SRBD1: variants seen among roughly 807,000 people sequenced by gnomAD.
The protein encoded by SRBD1 is S1 RNA-binding domain-containing protein 1.
A neutral mutation model predicts 115.3 loss-of-function variants in SRBD1; 88 were observed. That is an observed-to-expected ratio of 0.76 (90% CI 0.64 to 0.91). SRBD1 has a LOEUF of 0.91. Ranked by LOEUF, SRBD1 falls within the 40% of genes least tolerant of loss-of-function variation. The pLI is 0.00. For missense variants in SRBD1, 1,385 were observed against 1,177.4 expected (o/e 1.18, Z -2.58); for synonymous variants, 509 against 407.7 (o/e 1.25, Z -2.99).
rs368896464 is a variant in SRBD1 at position 45,574,744 on chromosome 2, G to A, written c.1073-21C>T. 46 of 1,579,842 alleles carry A rather than the reference G, an allele frequency of 2.9e-5. 1 individual carries two copies. The African/African-American group carries it at 5.5e-4, about 19-fold the overall frequency. On this transcript the variant is annotated intron_variant, in intron 7 of 20. Transcript: ENST00000263736. ...AAGCCCTTTAGGAGAAGGGTAAAAA[G>A]GAAAACAAAAACAAAAAGTATACGA...
chr2:45,569,906 T>C (rs72618605), intron 9 of SRBD1, among the ~76,000 whole-genome samples: 6,282 of 152,292 alleles, frequency 0.041, 236 homozygotes, highest in East Asian at 0.16. Context: ...GTTAAGGCCA[T>C]AGAAAACAAT....
intron 14 of SRBD1, among the ~76,000 whole-genome samples, chr2:45,515,056 C>G (rs1485470924): frequency 6.6e-6 from 1 of 152,110 alleles, no homozygotes; most frequent in East Asian, 1.9e-4. Context: ...ATGACTAAGA[C>G]ACTTGGAAAT....
chr2:45,408,680 A>T (rs914487075), intron 19 of SRBD1, among the ~76,000 whole-genome samples: 6 of 152,218 alleles, frequency 3.9e-5, no homozygotes, highest in African/African-American at 1.4e-4. Context: ...CAAGAGCCAC[A>T]AAGACTTTTA....
intron 12 of SRBD1, 129 bp downstream of exon 12, chr2:45,550,996 C>T: frequency 1.9e-6 from 2 of 1,033,832 alleles, no homozygotes; most frequent in Non-Finnish European, 1.3e-6. Flanking sequence ...TCCCAACACC[C>T]CTGTATGTGA....
At chr2:45,420,849 C>T (rs917453322) in intron 16 of SRBD1, among the ~76,000 whole-genome samples, 1 of 152,120 alleles carries the variant, frequency 6.6e-6, no homozygotes, top group African/African-American at 2.4e-5. Context: ...CTATCTTAAT[C>T]TTTTTATTTT....
intron 4 of SRBD1, among the ~76,000 whole-genome samples, chr2:45,591,916 G>C (rs1373831481): frequency 6.6e-6 from 1 of 152,160 alleles, no homozygotes; most frequent in African/African-American, 2.4e-5. Flanking sequence ...CTTCCAGTGT[G>C]ATATGGTTTG....
chr2:45,476,133 T>C (rs1669796734), intron 16 of SRBD1, among the ~76,000 whole-genome samples: 1 of 152,164 alleles, frequency 6.6e-6, no homozygotes, highest in African/African-American at 2.4e-5. Flanking sequence ...AAAATGGAAA[T>C]ATTCCCAGTT....
intron 9 of SRBD1, chr2:45,567,786 A>T (rs562600550): frequency 6.6e-5 from 10 of 152,308 alleles, no homozygotes; most frequent in African/African-American, 1.4e-4. Context: ...CATACAAGAA[A>T]TTTTCTCTAA....
At chr2:45,560,434 C>T (rs572750500) in intron 10 of SRBD1, among the ~76,000 whole-genome samples, 1 of 152,126 alleles carries the variant, frequency 6.6e-6, no homozygotes, top group Non-Finnish European at 1.5e-5. Flanking sequence ...GCACAATAAT[C>T]CCACTACTTT....
intron 18 of SRBD1, among the ~76,000 whole-genome samples, chr2:45,417,973 T>G (rs1024048561): frequency 6.6e-6 from 1 of 152,234 alleles, no homozygotes; most frequent in African/African-American, 2.4e-5. Flanking sequence ...GCTCTCTTTC[T>G]GATCCTTGGA....
chr2:45,411,247 T>A (rs1667593305), intron 19 of SRBD1, among the ~76,000 whole-genome samples: 1 of 152,208 alleles, frequency 6.6e-6, no homozygotes, highest in African/African-American at 2.4e-5. Flanking sequence ...CCTACATATT[T>A]TGGTGACCAG....
At chr2:45,391,066 CTT>C (rs1666984388) in intron 20 of SRBD1, among the ~76,000 whole-genome samples, 1 of 152,134 alleles carries the variant, frequency 6.6e-6, no homozygotes, top group Middle Eastern at 3.2e-3. Context: ...CTTGGAAATT[CTT>C]TCTCTCTCTC....
chr2:45,584,842 C>T (rs1673468266), intron 5 of SRBD1, among the ~76,000 whole-genome samples: 1 of 152,068 alleles, frequency 6.6e-6, no homozygotes, highest in South Asian at 2.1e-4. Flanking sequence ...TGTTAAATTA[C>T]CATAACCATT....
intron 14 of SRBD1, among the ~76,000 whole-genome samples, chr2:45,543,920 T>C (rs1198030485): frequency 1.3e-5 from 2 of 152,100 alleles, no homozygotes; most frequent in African/African-American, 2.4e-5. Flanking sequence ...AAACAGACTA[T>C]AGGAGAAAGA....
chr2:45,510,393 C>T (rs1670930956), intron 14 of SRBD1, among the ~76,000 whole-genome samples: 1 of 152,184 alleles, frequency 6.6e-6, no homozygotes, highest in African/African-American at 2.4e-5. Flanking sequence ...ACACATTTTA[C>T]ACCTAAATTT....
At chr2:45,509,188 T>C (rs1204664056) in intron 14 of SRBD1, among the ~76,000 whole-genome samples, 5 of 152,166 alleles carry the variant, frequency 3.3e-5, no homozygotes, top group Non-Finnish European at 5.9e-5. Context: ...GAGGGATATA[T>C]TGTTAATAAA....
Position 45,392,964 on chromosome 2 carries a change from T to G in SRBD1, c.2679A>C (p.Glu893Asp). The G allele has an allele frequency of 6.2e-7, 1 of 1,606,490 alleles. No individual in the cohort carries two copies. Among genetic ancestry groups the G allele is most frequent in the East Asian group, 2.2e-5 (1 of 44,712 alleles). The change falls in exon 20 of 21, where the codon GAA becomes GAC. Residue 893 changes from glutamate to aspartate, a missense_variant. By Grantham distance (45) the Glu-to-Asp change is conservative. Transcript: ENST00000263736. ...QVIIDGLSQP[E>D]SFDFRTDFDK... is the part of the protein sequence containing the mutation. ...GTTTACCTGTTCGAAAGTCAAAGCT[T>G]TCAGGCTGGCTGAGACCATCTATGA...
chr2:45,511,975 A>G (rs937949077), intron 14 of SRBD1, among the ~76,000 whole-genome samples: 6 of 152,170 alleles, frequency 3.9e-5, no homozygotes, highest in African/African-American at 1.4e-4. Flanking sequence ...TGAAATACCC[A>G]CACAAGAGCC....
At chr2:45,508,105 C>G (rs930354217) in intron 14 of SRBD1, among the ~76,000 whole-genome samples, 2 of 152,088 alleles carry the variant, frequency 1.3e-5, no homozygotes, top group African/African-American at 4.8e-5. Flanking sequence ...GAAGGTTGTT[C>G]AGCTATTCAG....
Sources: gnomAD v4.1 joint callset for allele counts (sites outside exome capture counted in the v4.1 genomes callset) on GRCh38, gnomAD v4.1.1 for gene constraint, MANE v1.5 for transcripts, NCBI Gene and HGNC (gene_info 2026-07-23, HGNC 2026-07-21) for gene names.